Variants in IPMK observed in about 807,000 individuals in gnomAD.
IPMK encodes the protein inositol 1,3,4,6-tetrakisphosphate 5-kinase.
In IPMK, 17 loss-of-function variants were observed where a neutral mutation model predicts 45.8. That is an observed-to-expected ratio of 0.37 (90% CI 0.25 to 0.56). IPMK has a LOEUF of 0.56. IPMK is among the 20% of genes least tolerant of loss of function. The pLI is 0.79. For synonymous variants in IPMK, 180 were observed against 184.3 expected (o/e 0.98, Z 0.19); for missense variants, 399 against 498.0 (o/e 0.80, Z 1.89).
intron 4 of IPMK, among the ~76,000 whole-genome samples, chr10:58,211,746 TAAAAA>T (rs143924439): frequency 7.7e-6 from 1 of 130,086 alleles, no homozygotes; most frequent in Non-Finnish European, 1.6e-5. Flanking sequence ...TCATCTGTAC[TAAAAA>T]AAAAAAAAAA....
intron 1 of IPMK, among the ~76,000 whole-genome samples, chr10:58,239,071 C>CCCAG (rs1226992460): frequency 6.6e-6 from 1 of 152,056 alleles, no homozygotes; most frequent in Non-Finnish European, 1.5e-5. Context: ...ATGGCTTGAG[C>CCCAG]CCAGGAGTTT....
rs1838519368 is a variant in IPMK, at chr10:58,231,466, T to C, written c.277-4327A>G. Among the ~76,000 whole-genome samples, 3 of 152,188 alleles carry C rather than the reference T, an allele frequency of 2.0e-5. No individual in the cohort carries two copies. The South Asian group carries it at 6.2e-4, about 31-fold the overall frequency. ...ACCCACAAAGGGAAGCCCATCAGAC[T>C]AACAGCGGATCTCTCGGCAGAAACC... On this transcript the variant is annotated intron_variant, in intron 2 of 5. Transcript: ENST00000373935.
At chr10:58,259,874 G>C (rs986987897) in intron 1 of IPMK, among the ~76,000 whole-genome samples, 15 of 151,868 alleles carry the variant, frequency 9.9e-5, no homozygotes, top group African/African-American at 3.6e-4. Flanking sequence ...TAACACGAAT[G>C]ATAGTTAGAA....
intron 4 of IPMK, among the ~76,000 whole-genome samples, chr10:58,205,546 T>C (rs1838058390): frequency 6.6e-6 from 1 of 152,120 alleles, no homozygotes; most frequent in Non-Finnish European, 1.5e-5. Context: ...AATGGAACCA[T>C]CATGAATTGC....
chr10:58,213,556 G>A (rs1023609387), intron 4 of IPMK, among the ~76,000 whole-genome samples: 25 of 152,112 alleles, frequency 1.6e-4, no homozygotes, highest in Admixed American at 8.5e-4. Context: ...ATGTGGTGGC[G>A]GGTGCCTGTA....
intron 1 of IPMK, among the ~76,000 whole-genome samples, chr10:58,240,584 A>T (rs1274819078): frequency 6.6e-6 from 1 of 151,756 alleles, no homozygotes; most frequent in East Asian, 1.9e-4. Context: ...CAAAATCATA[A>T]CTTTTCACGA....
intron 1 of IPMK, among the ~76,000 whole-genome samples, chr10:58,253,397 G>A (rs1208373873): frequency 2.0e-5 from 3 of 152,078 alleles, no homozygotes; most frequent in Non-Finnish European, 4.4e-5. Flanking sequence ...ACTTTTGTTT[G>A]TCTGGAAATG....
At chr10:58,264,404 T>A (rs1490676870) in intron 1 of IPMK, among the ~76,000 whole-genome samples, 1 of 152,196 alleles carries the variant, frequency 6.6e-6, no homozygotes, top group Non-Finnish European at 1.5e-5. Context: ...CCACAACAAT[T>A]ATCAGTTTAA....
intron 1 of IPMK, among the ~76,000 whole-genome samples, chr10:58,254,371 G>C (rs1838932277): frequency 2.0e-5 from 3 of 151,840 alleles, no homozygotes; most frequent in African/African-American, 7.3e-5. Context: ...TCATTTATAG[G>C]ATCTCTCTCT....
intron 2 of IPMK, among the ~76,000 whole-genome samples, chr10:58,236,201 G>A (rs1281699995): frequency 6.6e-6 from 1 of 151,922 alleles, no homozygotes; most frequent in Non-Finnish European, 1.5e-5. Flanking sequence ...AAAGTACTGA[G>A]ATTATAGGCA....
At position 58,246,081 on chromosome 10, in the gene IPMK, G is replaced by A. The variant is rs1032700785; in HGVS notation, c.191-8267C>T. Among the ~76,000 whole-genome samples the A allele has an allele frequency of 3.8e-5, 5 of 130,294 alleles. 1 individual carries two copies. Among genetic ancestry groups the A allele is most frequent in the African/African-American group, 7.4e-5 (2 of 27,056 alleles). The allele number at this position is 130,294 out of a possible 152,430, so 85.5% of individuals were successfully genotyped here. The stretch of plus-strand genomic sequence containing the variant: ...GCTTCAAAGAGAATAAAATACCTAG[G>A]AATCCAACTTACAAGGGATGTGAAG... On this transcript the variant is annotated intron_variant, in intron 1 of 5. Coordinates refer to ENST00000373935, the MANE Select transcript of IPMK (RefSeq NM_152230.5).
chr10:58,216,404 C>T, intron 3 of IPMK, 87 bp from the exon 4 acceptor site: 1 of 556,964 alleles, frequency 1.8e-6, no homozygotes, highest in Non-Finnish European at 2.8e-6. Flanking sequence ...TGAGAAAATC[C>T]TAAAACAGAG....
At position 58,266,945 on chromosome 10, in the gene IPMK, G is replaced by A. The variant is rs1839156138; in HGVS notation, c.190+477C>T. Among the ~76,000 whole-genome samples the A allele has an allele frequency of 4.6e-5, 7 of 152,054 alleles. 2 individuals carry two copies. In the South Asian group the frequency reaches 1.5e-3, roughly 32 times the overall value. ...TCCCTTCTCACCTCCCCCTAAAAAAGCCCAGTGTTTTTCTTCCCCTCCAGC... is the reference window on the plus strand; with the variant it reads ...TCCCTTCTCACCTCCCCCTAAAAAAACCCAGTGTTTTTCTTCCCCTCCAGC... On this transcript the variant is annotated intron_variant, in intron 1 of 5. Transcript: ENST00000373935.
chr10:58,260,770 A>G (rs1254971295), intron 1 of IPMK, among the ~76,000 whole-genome samples: 2 of 152,206 alleles, frequency 1.3e-5, no homozygotes, highest in African/African-American at 2.4e-5. Context: ...ACTGAGAGAA[A>G]TTAAAGGACT....
chr10:58,205,753 G>A (rs4405261), intron 4 of IPMK, among the ~76,000 whole-genome samples: 36,330 of 151,992 alleles, frequency 0.24, 4,676 homozygotes, highest in East Asian at 0.45. Context: ...TGATGAGTAC[G>A]CTAAAATCTC....
intron 1 of IPMK, among the ~76,000 whole-genome samples, chr10:58,248,444 TTA>T (rs1057160813): frequency 2.0e-5 from 3 of 152,240 alleles, no homozygotes; most frequent in African/African-American, 7.2e-5. Flanking sequence ...CTGTACATAT[TTA>T]TGTGTGTGCA....
Position 58,267,670 on chromosome 10 carries a change from G to C in IPMK, c.-59C>G. ...TAGGAAAAAAAATAGGGCGAGGGAG[G>C]GGGCGCCGGAGAACCCGAGGGTCGC... On this transcript the variant is annotated 5_prime_UTR_variant, in exon 1 of 6. Transcript: ENST00000373935. 1 of 1,113,128 alleles carries C rather than the reference G, an allele frequency of 9.0e-7. No individual in the cohort carries two copies. Among genetic ancestry groups the C allele is most frequent in the East Asian group, 2.6e-5 (1 of 38,634 alleles). 69.0% of individuals were successfully genotyped at this position (1,113,128 alleles called of 1,614,324 possible).
Position 58,237,767 on chromosome 10 carries a change from G to A in IPMK, c.238C>T (p.Pro80Ser). The change falls in exon 2 of 6, where the codon CCT becomes TCT. Residue 80 changes from proline (P) to serine (S), a missense_variant. Pro to Ser is a moderately conservative substitution (Grantham distance 74). Around this residue, in one of 2 missense-constraint regions of IPMK, gnomAD observed 288 missense variants for 398.0 expected, o/e 0.72. Coordinates refer to ENST00000373935, the MANE Select transcript of IPMK (RefSeq NM_152230.5). ...TCCAGCTCTCTTGGGCCCCTTGGAGGTGGTTGTAACTGTTTCAAAACTGTG... is the reference window on the plus strand; with the variant it reads ...TCCAGCTCTCTTGGGCCCCTTGGAGATGGTTGTAACTGTTTCAAAACTGTG... ...DGTVLKQLQP[P>S]PRGPRELEFY... 1 of 1,613,644 alleles carries A rather than the reference G, an allele frequency of 6.2e-7. No individual in the cohort carries two copies. Among genetic ancestry groups the A allele is most frequent in the Non-Finnish European group, 8.5e-7 (1 of 1,179,812 alleles).
In IPMK at chr10:58,267,522, C is replaced by T; in HGVS notation, c.90G>A (p.Glu30=). The change falls in exon 1 of 6, where the codon GAG becomes GAA. Residue 30 remains glutamate, a synonymous_variant. Transcript: ENST00000373935. ...TGCCGCCCGCCGGCTGCGGGGTGCC[C>T]TCAGGGGTGGACTCGATCGCCGGTG... ...RTSPAIESTP[E]GTPQPAGGRL... is the part of the protein sequence containing the mutation. 2 of 1,613,176 alleles carry T rather than the reference C, an allele frequency of 1.2e-6. No individual in the cohort carries two copies. The highest frequency in any genetic ancestry group is 1.7e-6 in the Non-Finnish European group (2 of 1,179,752).
Sources: gnomAD v4.1 joint callset for allele counts (sites outside exome capture counted in the v4.1 genomes callset) on GRCh38, gnomAD v4.1.1 for gene constraint, gnomAD v4.1.1 regional missense constraint, MANE v1.5 for transcripts, NCBI Gene and HGNC (gene_info 2026-07-23, HGNC 2026-07-21) for gene names.